The following DPYD variants were observed in gnomAD, a reference collection of about 807,000 sequenced individuals.
DPYD encodes dihydropyrimidine dehydrogenase, also known as dihydropyrimidine dehydrogenase [NADP(+)].
Under a neutral mutation model 116.2 loss-of-function variants are expected in DPYD, and 109 were observed. That is an observed-to-expected ratio of 0.94 (90% CI 0.80 to 1.10). The LOEUF (loss-of-function observed/expected upper bound fraction) is 1.10, where lower values mean the gene tolerates loss of function less well. Among genes scored for constraint, DPYD ranks in the 50% least tolerant of loss-of-function variants. The pLI is 0.00. For synonymous variants in DPYD, 440 were observed against 432.0 expected (o/e 1.02, Z -0.23); for missense variants, 1,302 against 1,254.5 (o/e 1.04, Z -0.57).
chr1:97,921,035 AG>A (rs1674496520), upstream of DPYD: 2 of 1,372,444 alleles, frequency 1.5e-6, no homozygotes, highest in African/African-American at 3.0e-5. Context: ...CAGGCAGACT[AG>A]GGCCGGCGGC....
At chr1:97,874,671 T>C (rs1405326994) in intron 2 of DPYD, among the ~76,000 whole-genome samples, 1 of 151,930 alleles carries the variant, frequency 6.6e-6, no homozygotes, top group African/African-American at 2.4e-5. Flanking sequence ...ACTAGGACTA[T>C]TGTTCATATA....
chr1:97,352,964 C>G (rs1297621783), intron 16 of DPYD, among the ~76,000 whole-genome samples: 1 of 151,666 alleles, frequency 6.6e-6, no homozygotes, highest in East Asian at 1.9e-4. Context: ...CAAGATCAAG[C>G]AAGGGGGGTG....
intron 13 of DPYD, among the ~76,000 whole-genome samples, chr1:97,473,129 G>GT (rs1677753640): frequency 6.6e-6 from 1 of 151,964 alleles, no homozygotes; most frequent in African/African-American, 2.4e-5. Context: ...TTTCCAACCT[G>GT]CTTCCCAAAA....
intron 2 of DPYD, among the ~76,000 whole-genome samples, chr1:97,857,321 T>C (rs1013004906): frequency 2.0e-5 from 3 of 152,284 alleles, no homozygotes; most frequent in Admixed American, 6.5e-5. Flanking sequence ...CCTTGGAATC[T>C]CCAAAGTGCT....
At position 97,784,046 on chromosome 1, in the gene DPYD, AG is replaced by A. The variant is rs547614080; in HGVS notation, c.234-43568del. ...ATCCTCTCACTTTCTTTTTGCTGTT[AG>A]TAATAGAAGTAATAGGTTATAAGAG... On this transcript the variant is annotated intron_variant, in intron 3 of 22. Transcript: ENST00000370192. Among the ~76,000 whole-genome samples the A allele has an allele frequency of 1.2e-4, 18 of 152,298 alleles. No individual in the cohort carries two copies. The South Asian group carries it at 3.7e-3, about 32-fold the overall frequency.
chr1:97,466,253 C>A (rs181692777), intron 13 of DPYD, among the ~76,000 whole-genome samples: 16 of 152,270 alleles, frequency 1.1e-4, no homozygotes, highest in African/African-American at 3.6e-4. Flanking sequence ...TTGATTCCTG[C>A]AGAAGGTTCT....
intron 13 of DPYD, among the ~76,000 whole-genome samples, chr1:97,464,238 CAAAATAAAATAAAATAAAAT>C (rs145868186): frequency 7.9e-5 from 11 of 138,598 alleles, no homozygotes; most frequent in East Asian, 6.3e-4. Context: ...GACTCTGTCT[CAAAATAAAATAAAATAAAAT>C]AAAATAAAAT....
At chr1:97,825,734 C>A (rs778374101) in intron 3 of DPYD, among the ~76,000 whole-genome samples, 4 of 151,762 alleles carry the variant, frequency 2.6e-5, no homozygotes, top group Non-Finnish European at 5.9e-5. Flanking sequence ...AACTAACCTG[C>A]ACGTTGTGCA....
chr1:97,748,512 G>C (rs941743674), intron 3 of DPYD, among the ~76,000 whole-genome samples: 2 of 152,168 alleles, frequency 1.3e-5, no homozygotes, highest in African/African-American at 2.4e-5. Flanking sequence ...GGGAGGCTGA[G>C]GCAGGAGAAT....
chr1:97,213,931 T>C (rs1302763099), intron 19 of DPYD, among the ~76,000 whole-genome samples: 1 of 152,180 alleles, frequency 6.6e-6, no homozygotes, highest in African/African-American at 2.4e-5. Flanking sequence ...TAGACACTTT[T>C]CTAGAAAGGC....
chr1:97,764,315 A>G (rs546867861), intron 3 of DPYD, among the ~76,000 whole-genome samples: 2 of 152,200 alleles, frequency 1.3e-5, no homozygotes, highest in African/African-American at 4.8e-5. Flanking sequence ...AGTATAAGGT[A>G]AAATGACTGT....
chr1:97,812,956 C>A lies in DPYD; in HGVS notation c.233+15158G>T, dbSNP rs139227879. Among the ~76,000 whole-genome samples, 1,302 of 152,160 alleles carry A rather than the reference C, an allele frequency of 8.6e-3. 21 individuals carry two copies. Among genetic ancestry groups the A allele is most frequent in the African/African-American group, 0.03 (1,235 of 41,532 alleles). On this transcript the variant is annotated intron_variant, in intron 3 of 22. Transcript: ENST00000370192. ...AGAACAATCAATTCTCAAAAAATTT[C>A]AGATGAACAGATTATAATCCCGAGT...
intron 14 of DPYD, among the ~76,000 whole-genome samples, chr1:97,434,743 G>A (rs995639269): frequency 8.6e-5 from 13 of 152,024 alleles, no homozygotes; most frequent in African/African-American, 1.9e-4. Flanking sequence ...TTTATTGTGC[G>A]TAAGTATATA....
intron 8 of DPYD, among the ~76,000 whole-genome samples, chr1:97,613,908 T>C (rs1656103865): frequency 6.6e-6 from 1 of 152,044 alleles, no homozygotes; most frequent in Non-Finnish European, 1.5e-5. Context: ...AGTCTTTGAA[T>C]TTCCTTTACT....
intron 14 of DPYD, among the ~76,000 whole-genome samples, chr1:97,404,806 A>T (rs1673560746): frequency 6.6e-6 from 1 of 152,078 alleles, no homozygotes. Flanking sequence ...TACCTGGATT[A>T]ATATCTACTA....
chr1:97,191,807 T>C (rs1379545910), intron 20 of DPYD, among the ~76,000 whole-genome samples: 2 of 152,182 alleles, frequency 1.3e-5, no homozygotes, highest in East Asian at 1.9e-4. Context: ...TTTGTGAATT[T>C]TTTTTAGTTA....
chr1:97,707,049 T>C (rs891453176), intron 5 of DPYD, among the ~76,000 whole-genome samples: 1 of 152,104 alleles, frequency 6.6e-6, no homozygotes. Flanking sequence ...CTCCTCTGAA[T>C]GTTTGTGTCT....
At chr1:97,294,785 C>T (rs947531836) in intron 18 of DPYD, among the ~76,000 whole-genome samples, 5 of 152,138 alleles carry the variant, frequency 3.3e-5, no homozygotes, top group African/African-American at 1.2e-4. Flanking sequence ...TGAATGATGC[C>T]TCTCATTTTT....
At chr1:97,435,473 T>C (rs772099979) in intron 14 of DPYD, among the ~76,000 whole-genome samples, 1 of 151,974 alleles carries the variant, frequency 6.6e-6, no homozygotes, top group African/African-American at 2.4e-5. Context: ...TTTAAGGATG[T>C]CTGGTTTGCC....
Sources: gnomAD v4.1 joint callset for allele counts (sites outside exome capture counted in the v4.1 genomes callset) on GRCh38, gnomAD v4.1.1 for gene constraint, MANE v1.5 for transcripts, NCBI Gene and HGNC (gene_info 2026-07-23, HGNC 2026-07-21) for gene names.